Variants in CHST3 observed in about 807,000 individuals in gnomAD.
CHST3 encodes the protein carbohydrate sulfotransferase 3.
CHST3 carries 20 observed loss-of-function variants against 35.4 expected under a neutral mutation model. The observed-to-expected ratio is 0.57, with a 90% CI of 0.40 to 0.82. The LOEUF (loss-of-function observed/expected upper bound fraction) is 0.82, where lower values mean the gene tolerates loss of function less well. CHST3 is among the 40% of genes least tolerant of loss of function. The pLI is 0.00. For synonymous variants in CHST3, 334 were observed against 295.9 expected (o/e 1.13, Z -1.32); for missense variants, 693 against 670.1 (o/e 1.03, Z -0.38).
intron 1 of CHST3, among the ~76,000 whole-genome samples, chr10:71,977,448 A>ATT (rs10554998): frequency 0.075 from 9,691 of 128,852 alleles, 1,210 homozygotes; most frequent in African/African-American, 0.26. Context: ...CCTAAGCTCG[A>ATT]TTTTTTTTTT....
At chr10:71,985,562 T>C (rs1403114805) in intron 1 of CHST3, among the ~76,000 whole-genome samples, 1 of 152,218 alleles carries the variant, frequency 6.6e-6, no homozygotes, top group African/African-American at 2.4e-5. Flanking sequence ...TCCTCTGCCC[T>C]AGAAAGGCCA....
chr10:71,986,831 C>T (rs910151435), intron 1 of CHST3, among the ~76,000 whole-genome samples: 2 of 152,230 alleles, frequency 1.3e-5, no homozygotes, highest in Admixed American at 6.5e-5. Context: ...TTGGCATAGA[C>T]GGGCTCTGGC....
rs180782266 is a variant in CHST3 at position 72,003,497 on chromosome 10, C to T, written c.-107-2239C>T. On this transcript the variant is annotated intron_variant, in intron 1 of 2. Coordinates refer to ENST00000373115, the MANE Select transcript of CHST3 (RefSeq NM_004273.5). Reference sequence around the variant, plus strand: ...AGCAGATCACCTGAGGTCAGGAGTTCGAGACCAACTTGGCCAACATGGTGA... The same window carrying T: ...AGCAGATCACCTGAGGTCAGGAGTTTGAGACCAACTTGGCCAACATGGTGA... Among the ~76,000 whole-genome samples, 498 of 152,134 alleles carry T rather than the reference C, an allele frequency of 3.3e-3. 2 individuals carry two copies. The highest frequency in any genetic ancestry group is 6.1e-3 in the Non-Finnish European group (415 of 67,988).
intron 2 of CHST3, among the ~76,000 whole-genome samples, chr10:72,006,752 C>T (rs1477276385): frequency 6.6e-6 from 1 of 152,174 alleles, no homozygotes; most frequent in Non-Finnish European, 1.5e-5. Context: ...CCGTCAATCC[C>T]CCCCCTTGGG....
rs1840082854 is a variant in CHST3 at position 72,009,262 on chromosome 10, C to G, written c.*791C>G. ...AACATTTGTAGGATTATTTCGAGGG[C>G]AGGGCAGGGGAAAGAAACGCGTTAA... On this transcript the variant is annotated 3_prime_UTR_variant, in exon 3 of 3. Coordinates refer to ENST00000373115, the MANE Select transcript of CHST3 (RefSeq NM_004273.5). The G allele has an allele frequency of 6.6e-6, 1 of 152,350 alleles. No homozygotes were observed. Among genetic ancestry groups the G allele is most frequent in the Non-Finnish European group, 1.5e-5 (1 of 68,072 alleles). The allele number at this position is 152,350 out of a possible 1,614,324, so 9.4% of individuals were successfully genotyped here.
At chr10:71,970,254 C>CT (rs1839678822) in intron 1 of CHST3, among the ~76,000 whole-genome samples, 1 of 150,264 alleles carries the variant, frequency 6.7e-6, no homozygotes, top group Non-Finnish European at 1.5e-5. Context: ...TCCCCCTCAC[C>CT]CCCCACCACC....
At chr10:72,006,377 A>G (rs570060944) in intron 2 of CHST3, among the ~76,000 whole-genome samples, 1 of 152,334 alleles carries the variant, frequency 6.6e-6, no homozygotes, top group East Asian at 1.9e-4. Flanking sequence ...GGTGTCCAGT[A>G]TTTGCTGGCT....
chr10:71,973,450 G>A (rs1449977931), intron 1 of CHST3, among the ~76,000 whole-genome samples: 4 of 152,210 alleles, frequency 2.6e-5, no homozygotes, highest in Admixed American at 6.5e-5. Context: ...GAGGCCTGCC[G>A]TGGCTGAGTC....
rs1564532372 is a variant in CHST3, at chr10:72,007,789, G to C, written c.758G>C (p.Gly253Ala). The C allele has an allele frequency of 6.2e-7, 1 of 1,601,442 alleles. No individual in the cohort carries two copies. Among genetic ancestry groups the C allele is most frequent in the South Asian group, 1.1e-5 (1 of 90,990 alleles). ...EKYHCKNRRC[G>A]PLNVTLAAEA... ...TACCACTGCAAGAACCGCCGCTGCGGCCCCCTCAACGTGACGCTGGCCGCA... is the reference window on the plus strand; with the variant it reads ...TACCACTGCAAGAACCGCCGCTGCGCCCCCCTCAACGTGACGCTGGCCGCA... The change falls in exon 3 of 3, where the codon GGC (glycine) becomes GCC (alanine). Residue 253 changes from glycine to alanine, a missense_variant. By Grantham distance (60) the Gly-to-Ala change is moderately conservative. Transcript: ENST00000373115.
intron 1 of CHST3, among the ~76,000 whole-genome samples, chr10:72,000,883 C>T (rs1839986269): frequency 6.6e-6 from 1 of 151,498 alleles, no homozygotes; most frequent in African/African-American, 2.4e-5. Context: ...GTGGGGAGGC[C>T]AGCAGGGGTG....
intron 1 of CHST3, among the ~76,000 whole-genome samples, chr10:71,987,131 G>A (rs1839854101): frequency 6.6e-6 from 1 of 151,688 alleles, no homozygotes; most frequent in Non-Finnish European, 1.5e-5. Context: ...CCATAGATCA[G>A]TCAGAGGATA....
intron 1 of CHST3, among the ~76,000 whole-genome samples, chr10:71,971,746 C>T (rs1049557383): frequency 3.3e-5 from 5 of 152,236 alleles, no homozygotes; most frequent in Non-Finnish European, 4.4e-5. Context: ...CAGGGCAGGG[C>T]CGCAGGTGCC....
At chr10:72,006,055 G>GTCCACAGAGAGCCCT in intron 2 of CHST3, 73 bp downstream of exon 2, 1 of 1,572,742 alleles carries the variant, frequency 6.4e-7, no homozygotes, top group Non-Finnish European at 8.7e-7. Context: ...GTAACTGCAG[G>GTCCACAGAGAGCCCT]GCTCTCTGTG....
At chr10:71,997,093 G>A (rs193088661) in intron 1 of CHST3, among the ~76,000 whole-genome samples, 83 of 152,206 alleles carry the variant, frequency 5.5e-4, no homozygotes, top group Non-Finnish European at 9.3e-4. Flanking sequence ...CTATTTTCAA[G>A]TGTACAGTTC....
chr10:72,005,331 A>T (rs897737766), intron 1 of CHST3, among the ~76,000 whole-genome samples: 13 of 148,798 alleles, frequency 8.7e-5, no homozygotes, highest in African/African-American at 3.0e-4. Context: ...GTTCTCATGT[A>T]TTTTCTGGAT....
intron 1 of CHST3, among the ~76,000 whole-genome samples, chr10:72,005,315 G>GTGTT (rs1366618934): frequency 1.3e-5 from 2 of 151,684 alleles, no homozygotes; most frequent in African/African-American, 4.9e-5. Flanking sequence ...GTGTGTGTGT[G>GTGTT]TGTGTGTTCT....
At chr10:71,967,975 A>ATTTTTTTTTTTTTTTTTTTTTTTTTTT (rs61420934) in intron 1 of CHST3, among the ~76,000 whole-genome samples, 1 of 142,036 alleles carries the variant, frequency 7.0e-6, no homozygotes. Flanking sequence ...TGCGTGGCTA[A>ATTTTTTTTTTTTTTTTTTTTTTTTTTT]TTTTTTTTTT....
chr10:72,011,925 A>G lies in CHST3; in HGVS notation c.*3454A>G, dbSNP rs1404360339. 6.6e-6 allele frequency: 1 copy of G among 152,186 alleles called. No homozygotes were observed. Among genetic ancestry groups the G allele is most frequent in the African/African-American group, 2.4e-5 (1 of 41,448 alleles). The allele number at this position is 152,186 out of a possible 1,614,324, so 9.4% of individuals were successfully genotyped here. A position where few individuals can be genotyped will look rare whatever the true frequency, so the allele number is the denominator to read the frequency against. On this transcript the variant is annotated 3_prime_UTR_variant, in exon 3 of 3. Coordinates refer to ENST00000373115, the MANE Select transcript of CHST3 (RefSeq NM_004273.5). ...AGGTCCCCATAGAGAGGGAAAGAGAAGACCAGATGTGCATAGAAGCCAGTC... is the reference window on the plus strand; with the variant it reads ...AGGTCCCCATAGAGAGGGAAAGAGAGGACCAGATGTGCATAGAAGCCAGTC...
At position 71,985,197 on chromosome 10, in the gene CHST3, C is replaced by T. The variant is rs573584578; in HGVS notation, c.-108+20503C>T. ...GCCATGCTTGGCCGACCCCCTGACC[C>T]GCTGAGGTTGCGCAGAGCTTTTTGG... On this transcript the variant is annotated intron_variant, in intron 1 of 2. Transcript: ENST00000373115. Among the ~76,000 whole-genome samples the T allele has an allele frequency of 2.2e-3, 328 of 152,368 alleles. 1 individual carries two copies. Among genetic ancestry groups the T allele is most frequent in the African/African-American group, 7.3e-3 (302 of 41,592 alleles).
Sources: gnomAD v4.1 joint callset for allele counts (sites outside exome capture counted in the v4.1 genomes callset) on GRCh38, gnomAD v4.1.1 for gene constraint, MANE v1.5 for transcripts, NCBI Gene and HGNC (gene_info 2026-07-23, HGNC 2026-07-21) for gene names.